MAP3K7: variants seen among roughly 807,000 people sequenced by gnomAD.
MAP3K7 encodes the protein TGF-beta activated kinase 1.
A neutral mutation model predicts 84.8 loss-of-function variants in MAP3K7; 21 were observed. The observed-to-expected ratio is 0.25, with a 90% CI of 0.18 to 0.36. The LOEUF (loss-of-function observed/expected upper bound fraction) is 0.36. MAP3K7 is among the 10% of genes least tolerant of loss of function. The probability of loss-of-function intolerance (pLI) is 1.00; values close to 1 mark genes in which losing one functional copy is unlikely to be tolerated. For synonymous variants in MAP3K7, 241 were observed against 247.7 expected (o/e 0.97, Z 0.25); for missense variants, 503 against 747.7 (o/e 0.67, Z 3.82).
chr6:90,576,464 CACACACAG>C (rs1392284199), intron 1 of MAP3K7, among the ~76,000 whole-genome samples: 2 of 135,174 alleles, frequency 1.5e-5, no homozygotes, highest in South Asian at 4.5e-4. Context: ...CACACACACA[CACACACAG>C]AAGAAACAAC....
At position 90,577,413 on chromosome 6, in the gene MAP3K7, A is replaced by C. The variant is rs549082759; in HGVS notation, c.121-5606T>G. Among the ~76,000 whole-genome samples the C allele has an allele frequency of 2.6e-5, 4 of 152,366 alleles. No individual in the cohort carries two copies. The East Asian group carries it at 7.7e-4, about 29-fold the overall frequency. On this transcript the variant is annotated intron_variant, in intron 1 of 16. Transcript: ENST00000369329. ...GAGTGAGAGGATCTATGGAGAAGTC[A>C]GACAAAGAGATACAAACTTGGGAGT...
chr6:90,568,957 T>G (rs566428736), intron 2 of MAP3K7, among the ~76,000 whole-genome samples: 17 of 152,290 alleles, frequency 1.1e-4, no homozygotes, highest in Middle Eastern at 3.4e-3. Context: ...TGCCAAGAAA[T>G]GTTAGGATAT....
chr6:90,586,941 G>T lies in MAP3K7; in HGVS notation c.-58C>A. 2 of 1,508,772 alleles carry T rather than the reference G, an allele frequency of 1.3e-6. 1 individual carries two copies. The highest frequency in any genetic ancestry group is 2.5e-5 in the South Asian group (2 of 80,754). 93.5% of individuals were successfully genotyped at this position (1,508,772 alleles called of 1,614,324 possible). On this transcript the variant is annotated 5_prime_UTR_variant, in exon 1 of 17. Coordinates refer to ENST00000369329, the MANE Select transcript of MAP3K7 (RefSeq NM_145331.3). Reference sequence around the variant, plus strand: ...GGTGCCACCCGGACAATCCGGGTGAGACCCGCGCCCACCCGCCTCCGGACC... The same window carrying T: ...GGTGCCACCCGGACAATCCGGGTGATACCCGCGCCCACCCGCCTCCGGACC...
At chr6:90,533,261 T>C (rs1009636935) in intron 13 of MAP3K7, among the ~76,000 whole-genome samples, 12 of 152,226 alleles carry the variant, frequency 7.9e-5, no homozygotes, top group African/African-American at 2.2e-4. Flanking sequence ...CCTTGCGGAA[T>C]AGGCTTTATT....
At chr6:90,567,311 G>A (rs969575375) in intron 3 of MAP3K7, among the ~76,000 whole-genome samples, 7 of 151,978 alleles carry the variant, frequency 4.6e-5, no homozygotes, top group South Asian at 4.1e-4. Context: ...TGCAATCTAC[G>A]CATCTGACAA....
chr6:90,570,768 C>T (rs1776875035), intron 2 of MAP3K7, among the ~76,000 whole-genome samples: 1 of 152,166 alleles, frequency 6.6e-6, no homozygotes, highest in African/African-American at 2.4e-5. Flanking sequence ...TGCTATTTCA[C>T]CCAGCTTTGT....
chr6:90,548,700 G>A (rs1023931505), intron 9 of MAP3K7, among the ~76,000 whole-genome samples: 1 of 151,498 alleles, frequency 6.6e-6, no homozygotes, highest in Non-Finnish European at 1.5e-5. Flanking sequence ...CAGGCCCTGG[G>A]CACTCCAACA....
rs552056912 is a variant in MAP3K7, at chr6:90,514,097, T to C, written c.*2404A>G. 2.6e-5 allele frequency: 4 copies of C among 152,180 alleles called. No homozygotes were observed. The East Asian group carries it at 7.7e-4, about 29-fold the overall frequency. 9.4% of individuals were successfully genotyped at this position (152,180 alleles called of 1,614,324 possible). A position where few individuals can be genotyped will look rare whatever the true frequency, so the allele number is the denominator to read the frequency against. On this transcript the variant is annotated 3_prime_UTR_variant, in exon 17 of 17. Transcript: ENST00000369329. ...GTAATTAGGGCTTACTCAGTGATTG[T>C]TTTTGAATTTCTTAGACTGGGGCAT...
intron 3 of MAP3K7, among the ~76,000 whole-genome samples, chr6:90,562,825 G>C (rs562830636): frequency 6.6e-6 from 1 of 152,326 alleles, no homozygotes; most frequent in African/African-American, 2.4e-5. Flanking sequence ...ACACCTTCCA[G>C]TAGGGGCAGA....
At position 90,515,521 on chromosome 6, in the gene MAP3K7, A is replaced by G. The variant is rs1774929515; in HGVS notation, c.*980T>C. The G allele has an allele frequency of 6.6e-6, 1 of 150,852 alleles. No individual in the cohort carries two copies. Among genetic ancestry groups the G allele is most frequent in the African/African-American group, 2.4e-5 (1 of 40,944 alleles). 9.3% of individuals were successfully genotyped at this position (150,852 alleles called of 1,614,324 possible). A position where few individuals can be genotyped will look rare whatever the true frequency, so the allele number is the denominator to read the frequency against. On this transcript the variant is annotated 3_prime_UTR_variant, in exon 17 of 17. Coordinates refer to ENST00000369329, the MANE Select transcript of MAP3K7 (RefSeq NM_145331.3). ...TATTTGCTTCTTTAACTTCCTTCTGATTTGCCTGGTTTATTTCTCATTTGG... is the reference window on the plus strand; with the variant it reads ...TATTTGCTTCTTTAACTTCCTTCTGGTTTGCCTGGTTTATTTCTCATTTGG...
chr6:90,557,270 TCTTA>T (rs1365176309), intron 5 of MAP3K7, among the ~76,000 whole-genome samples: 1 of 152,212 alleles, frequency 6.6e-6, no homozygotes, highest in African/African-American at 2.4e-5. Flanking sequence ...AGTAGCATAC[TCTTA>T]CTTACAAGGT....
intron 5 of MAP3K7, among the ~76,000 whole-genome samples, chr6:90,558,229 G>A (rs1195442119): frequency 1.3e-5 from 2 of 152,126 alleles, no homozygotes; most frequent in Non-Finnish European, 2.9e-5. Flanking sequence ...GGCTGAGGCA[G>A]GAGAATTGCT....
At chr6:90,574,827 A>C (rs1349776630) in intron 1 of MAP3K7, among the ~76,000 whole-genome samples, 1 of 152,206 alleles carries the variant, frequency 6.6e-6, no homozygotes, top group African/African-American at 2.4e-5. Flanking sequence ...GGACATGAAA[A>C]ACTTTCTCCT....
chr6:90,532,582 T>C (rs1008699994), intron 13 of MAP3K7, among the ~76,000 whole-genome samples: 6 of 152,234 alleles, frequency 3.9e-5, no homozygotes, highest in African/African-American at 9.6e-5. Context: ...CTGTATCATC[T>C]TGCAGTCGTA....
At chr6:90,534,144 A>G (rs1303110909) in intron 13 of MAP3K7, among the ~76,000 whole-genome samples, 2 of 152,226 alleles carry the variant, frequency 1.3e-5, no homozygotes, top group Non-Finnish European at 2.9e-5. Context: ...CCACAGTACA[A>G]TAAGTTTACT....
chr6:90,517,991 T>C (rs1775023366), intron 16 of MAP3K7, among the ~76,000 whole-genome samples: 1 of 151,698 alleles, frequency 6.6e-6, no homozygotes. Flanking sequence ...CTGTGTTTCT[T>C]TAAAAAGGGA....
intron 14 of MAP3K7, among the ~76,000 whole-genome samples, chr6:90,521,230 G>A (rs552493683): frequency 5.3e-5 from 8 of 151,126 alleles, no homozygotes; most frequent in East Asian, 1.9e-4. Context: ...GTCACAGATC[G>A]GAAGATTATT....
chr6:90,570,404 A>G (rs575459173), intron 2 of MAP3K7, among the ~76,000 whole-genome samples: 123 of 152,292 alleles, frequency 8.1e-4, no homozygotes, highest in Non-Finnish European at 1.3e-3. Flanking sequence ...TAATCAAAGG[A>G]TAGGGCAGGG....
intron 1 of MAP3K7, among the ~76,000 whole-genome samples, chr6:90,585,491 T>C (rs1244903008): frequency 6.6e-6 from 1 of 152,226 alleles, no homozygotes; most frequent in Non-Finnish European, 1.5e-5. Context: ...AGGTTTTTCA[T>C]GGACTATATA....
Sources: allele counts gnomAD v4.1 joint callset (sites outside exome capture counted in the v4.1 genomes callset), GRCh38; gene constraint gnomAD v4.1.1; transcripts MANE v1.5; gene names NCBI Gene and HGNC (gene_info 2026-07-23, HGNC 2026-07-21).